The following CACNA2D2 variants were observed in gnomAD, a reference collection of about 807,000 sequenced individuals.
CACNA2D2 encodes the protein voltage-dependent calcium channel subunit alpha-2/delta-2.
In CACNA2D2, 48 loss-of-function variants were observed where a neutral mutation model predicts 166.4. The observed-to-expected ratio is 0.29, with a 90% CI of 0.23 to 0.37. CACNA2D2 has a LOEUF of 0.37. Ranked by LOEUF, CACNA2D2 falls within the 10% of genes least tolerant of loss-of-function variation. CACNA2D2 has a pLI of 1.00. For missense variants in CACNA2D2, 1,122 were observed against 1,433.0 expected, an observed-to-expected ratio of 0.78 and a Z score of 3.50; for synonymous variants, 561 against 573.7, an observed-to-expected ratio of 0.98 and a Z score of 0.32.
intron 1 of CACNA2D2, among the ~76,000 whole-genome samples, chr3:50,486,979 A>C (rs1406630048): frequency 6.6e-6 from 1 of 152,220 alleles, no homozygotes; most frequent in African/African-American, 2.4e-5. Context: ...GCTGACGCGG[A>C]GGGCCTGCGT....
chr3:50,424,317 G>C (rs1220851719), intron 3 of CACNA2D2, among the ~76,000 whole-genome samples: 5 of 152,268 alleles, frequency 3.3e-5, no homozygotes, highest in Middle Eastern at 3.4e-3. Context: ...TCCCTGGATG[G>C]GGTCTCGGCT....
At chr3:50,449,302 G>A (rs997597636) in intron 2 of CACNA2D2, among the ~76,000 whole-genome samples, 13 of 152,214 alleles carry the variant, frequency 8.5e-5, no homozygotes, top group Non-Finnish European at 1.6e-4. Flanking sequence ...TCAGAGGTGG[G>A]CAGGAAGAGG....
chr3:50,367,031 C>T lies in CACNA2D2; in HGVS notation c.2480G>A (p.Arg827Lys), dbSNP rs1704342142. 6.2e-6 allele frequency: 10 copies of T among 1,613,808 alleles called. No individual in the cohort carries two copies. The highest frequency in any genetic ancestry group is 4.5e-5 in the East Asian group (2 of 44,878). Reference sequence around the variant, plus strand: ...TTCACCTGCTGGCCTCAGTGTGCGCCTGCCTAGGCTGAGCTCCACAGCTGT... The same window carrying T: ...TTCACCTGCTGGCCTCAGTGTGCGCTTGCCTAGGCTGAGCTCCACAGCTGT... ...VSTAVELSLG[R>K]RTLRPAVVGV... The change falls in exon 28 of 38, where the codon AGG (arginine) becomes AAG (lysine). Residue 827 changes from arginine (R) to lysine (K), a missense_variant. Arg to Lys is a conservative substitution (Grantham distance 26). This residue lies in a region of CACNA2D2 where 840 missense variants were observed against 1,166.8 expected (regional missense o/e 0.72). Transcript: ENST00000424201. The surrounding 1 kb of genome is among the most constrained non-coding windows in gnomAD (Gnocchi z 6.5).
intron 3 of CACNA2D2, among the ~76,000 whole-genome samples, chr3:50,397,693 G>A (rs1004115688): frequency 6.6e-6 from 1 of 152,200 alleles, no homozygotes; most frequent in Non-Finnish European, 1.5e-5. Context: ...AGCCAGTCCC[G>A]TGAGGTTTCT....
In CACNA2D2 at chr3:50,379,093, G is replaced by A. The variant is rs781210506; in HGVS notation, c.1259C>T (p.Thr420Met). 14 of 1,613,530 alleles carry A rather than the reference G, an allele frequency of 8.7e-6. No individual in the cohort carries two copies. Among genetic ancestry groups the A allele is most frequent in the East Asian group, 2.2e-5 (1 of 44,880 alleles). The stretch of plus-strand genomic sequence containing the variant: ...GCCCCTGCCTCGGTTGAGCCTCACC[G>A]TCCGGTTTGGCCAATTGTACTTCTC... Reference protein sequence around the residue: ...VFEKYNWPNRTVRVFTFSVGQ... With the variant: ...VFEKYNWPNRMVRVFTFSVGQ... Residue 420 changes from threonine (T) to methionine (M), a missense_variant and splice_region_variant, in exon 12 of 38, where the codon ACG becomes ATG. Coordinates refer to ENST00000424201, the MANE Select transcript of CACNA2D2 (RefSeq NM_006030.4). This position sits in a 1 kb window ranked among gnomAD's most constrained non-coding sequence, Gnocchi z 6.5.
Position 50,376,785 on chromosome 3 carries a change from GCTGTTGTACATACCAC to G in CACNA2D2, c.1627-613_1627-598del, listed in dbSNP as rs1705022499. ...TTCAGGGGGGCTCAGGCTTAATGAT[GCTGTTGTACATACCAC>G]ACCTCTCCCCCTTCCACAGGCCAAG... On this transcript the variant is annotated intron_variant, in intron 17 of 37. Coordinates refer to ENST00000424201, the MANE Select transcript of CACNA2D2 (RefSeq NM_006030.4). The surrounding 1 kb of genome is among the most constrained non-coding windows in gnomAD (Gnocchi z 4.3). 6.6e-6 allele frequency among the ~76,000 whole-genome samples: 1 copy of G among 152,276 alleles called. No individual in the cohort carries two copies. The highest frequency in any genetic ancestry group is 1.5e-5 in the Non-Finnish European group (1 of 68,020).
At chr3:50,413,801 C>T (rs567381324) in intron 3 of CACNA2D2, among the ~76,000 whole-genome samples, 25 of 152,172 alleles carry the variant, frequency 1.6e-4, no homozygotes, top group African/African-American at 3.4e-4. Flanking sequence ...GAGCCGAGAC[C>T]GTGCCACTGC....
rs781547053 is a variant in CACNA2D2, at chr3:50,434,264, C to A, written c.405+49G>T. On this transcript the variant is annotated intron_variant, in intron 3 of 37. Transcript: ENST00000424201. ...GCCCTCATGGTACAGGACCTCTCCA[C>A]CTGGCCCTCCCTCAGTGCCGCCCCC... 12 of 1,313,310 alleles carry A rather than the reference C, an allele frequency of 9.1e-6. No individual in the cohort carries two copies. In the Middle Eastern group the frequency reaches 1.8e-3, roughly 197 times the overall value. 81.4% of individuals were successfully genotyped at this position (1,313,310 alleles called of 1,614,324 possible).
intron 24 of CACNA2D2, 64 bp downstream of exon 24, chr3:50,368,074 C>T: frequency 7.5e-7 from 1 of 1,325,178 alleles, no homozygotes; most frequent in Non-Finnish European, 1.1e-6. Context: ...CCTCTGGGTT[C>T]CTCTGGGCTG....
At chr3:50,384,113 C>T in intron 6 of CACNA2D2, 83 bp downstream of exon 6, 1 of 1,549,526 alleles carries the variant, frequency 6.5e-7, no homozygotes, top group Non-Finnish European at 8.8e-7. Flanking sequence ...GCCTTCTGTC[C>T]CCAGGGACTC....
Position 50,387,557 on chromosome 3 carries a change from G to C in CACNA2D2, c.510+11C>G. The C allele has an allele frequency of 6.2e-7, 1 of 1,612,814 alleles. No homozygotes were observed. The highest frequency in any genetic ancestry group is 8.5e-7 in the Non-Finnish European group (1 of 1,178,900). On this transcript the variant is annotated intron_variant, in intron 5 of 37. Transcript: ENST00000424201. Reference sequence around the variant, plus strand: ...CCAGCAAGGAGGTGTGGCTCAGGAGGGGGTGCTCACCAGCTCAGCGTCAGC... The same window carrying C: ...CCAGCAAGGAGGTGTGGCTCAGGAGCGGGTGCTCACCAGCTCAGCGTCAGC...
rs1485667477 is a variant in CACNA2D2, at chr3:50,377,350, G to A, written c.1626+117C>T. On this transcript the variant is annotated intron_variant, in intron 17 of 37. Coordinates refer to ENST00000424201, the MANE Select transcript of CACNA2D2 (RefSeq NM_006030.4). ...GTCACCTCCTGGGGAAGCCTTCCCC[G>A]ACCCCTGAACTCAGAGGTCTCCATG... 3.5e-5 allele frequency: 29 copies of A among 823,534 alleles called. No homozygotes were observed. The South Asian group carries it at 3.5e-4, about 10-fold the overall frequency. The allele number at this position is 823,534 out of a possible 1,614,324, so 51.0% of individuals were successfully genotyped here.
rs1704390297 is a variant in CACNA2D2, at chr3:50,367,559, A to G, written c.2298-62T>C. On this transcript the variant is annotated intron_variant, in intron 26 of 37. Coordinates refer to ENST00000424201, the MANE Select transcript of CACNA2D2 (RefSeq NM_006030.4). The surrounding 1 kb of genome is among the most constrained non-coding windows in gnomAD (Gnocchi z 6.5). ...TGGCTTGTCGGGGACAGTGGTCTCC[A>G]CAGATGCAAGGAGGCCTCTGGGCAG... The G allele has an allele frequency of 5.6e-6, 9 of 1,600,942 alleles. No homozygotes were observed. In the South Asian group the frequency reaches 1.0e-4, roughly 18 times the overall value.
Position 50,381,020 on chromosome 3 carries a change from G to T in CACNA2D2, c.759C>A (p.Ala253=). Residue 253 remains alanine (A), a synonymous_variant, in exon 7 of 38, where the codon GCC becomes GCA. Transcript: ENST00000424201. Reference sequence around the variant, plus strand: ...CCGGGTAGTAGCGAGTGACTCCTGTGGCGCTGCCGAAGACCTGCCACAGCA... The same window carrying T: ...CCGGGTAGTAGCGAGTGACTCCTGTTGCGCTGCCGAAGACCTGCCACAGCA... ...PTLLWQVFGS[A]TGVTRYYPAT... The T allele has an allele frequency of 1.2e-6, 2 of 1,613,918 alleles. No individual in the cohort carries two copies.
rs1005793850 is a variant in CACNA2D2, at chr3:50,387,749, C to T, written c.466-137G>A. On this transcript the variant is annotated intron_variant, in intron 4 of 37. Transcript: ENST00000424201. Reference sequence around the variant, plus strand: ...TCCCTTTCCCCCACCCAGAGCCCCCCTCCTGGAAGGGCCGGATAGGTCAGG... The same window carrying T: ...TCCCTTTCCCCCACCCAGAGCCCCCTTCCTGGAAGGGCCGGATAGGTCAGG... 9 of 687,448 alleles carry T rather than the reference C, an allele frequency of 1.3e-5. No homozygotes were observed. In the African/African-American group the frequency reaches 1.5e-4, roughly 11 times the overall value. 42.6% of individuals were successfully genotyped at this position (687,448 alleles called of 1,614,324 possible).
chr3:50,470,602 G>C (rs55838729), intron 2 of CACNA2D2, among the ~76,000 whole-genome samples: 17 of 85,010 alleles, frequency 2.0e-4, no homozygotes, highest in Middle Eastern at 4.6e-3. Context: ...GAGGGGGCGG[G>C]GGGGGGGGGT....
intron 1 of CACNA2D2, among the ~76,000 whole-genome samples, chr3:50,493,229 A>G (rs1698590487): frequency 6.6e-6 from 1 of 152,148 alleles, no homozygotes; most frequent in Admixed American, 6.5e-5. Flanking sequence ...CTCCAGCCCA[A>G]GGTGACCCCA....
chr3:50,459,932 G>A (rs1253420412), intron 2 of CACNA2D2, among the ~76,000 whole-genome samples: 1 of 152,066 alleles, frequency 6.6e-6, no homozygotes. Context: ...TCCCACCAGA[G>A]ATCCCCTGGC....
At chr3:50,495,511 C>G (rs1698689939) in intron 1 of CACNA2D2, among the ~76,000 whole-genome samples, 1 of 152,226 alleles carries the variant, frequency 6.6e-6, no homozygotes, top group South Asian at 2.1e-4. Context: ...TATGAAGACT[C>G]AGTAGACAAA....
Sources: gnomAD v4.1 joint callset for allele counts (sites outside exome capture counted in the v4.1 genomes callset) on GRCh38, gnomAD v4.1.1 for gene constraint, gnomAD v4.1.1 regional missense constraint, Gnocchi (gnomAD v3.1) non-coding constraint, MANE v1.5 for transcripts, NCBI Gene and HGNC (gene_info 2026-07-23, HGNC 2026-07-21) for gene names.